The following BABAM2 variants were observed in gnomAD, a reference collection of about 807,000 sequenced individuals.
BABAM2 encodes the protein BRISC and BRCA1-A complex member 2.
BABAM2 carries 31 observed loss-of-function variants against 54.7 expected under a neutral mutation model. The ratio of observed to expected loss-of-function variants is 0.57; its 90% CI spans 0.43 to 0.77. The LOEUF is 0.77. Ranked by LOEUF, BABAM2 falls within the 30% of genes least tolerant of loss-of-function variation. The pLI is 0.00. For missense variants in BABAM2, 364 were observed against 455.8 expected (o/e 0.80, Z 1.83); for synonymous variants, 167 against 162.9 (o/e 1.03, Z -0.19).
chr2:28,301,007 A>G (rs575569790), intron 11 of BABAM2, among the ~76,000 whole-genome samples: 22 of 152,348 alleles, frequency 1.4e-4, no homozygotes, highest in African/African-American at 5.1e-4. Flanking sequence ...ACACCGTGAA[A>G]GAACTGTCCT....
intron 10 of BABAM2, among the ~76,000 whole-genome samples, chr2:28,285,884 T>A (rs529105819): frequency 6.6e-6 from 1 of 152,094 alleles, no homozygotes; most frequent in African/African-American, 2.4e-5. Context: ...TCTTAAGAGA[T>A]GTTTTGTAGA....
At chr2:28,300,231 G>A (rs756445558) in intron 11 of BABAM2, among the ~76,000 whole-genome samples, 3 of 152,140 alleles carry the variant, frequency 2.0e-5, no homozygotes, top group Admixed American at 6.5e-5. Context: ...GAGCCACTGC[G>A]CCCAGCCTGA....
intron 2 of BABAM2, among the ~76,000 whole-genome samples, chr2:27,928,965 A>G (rs1667907495): frequency 6.7e-6 from 1 of 150,052 alleles, no homozygotes; most frequent in Non-Finnish European, 1.5e-5. Flanking sequence ...TGTGATCCTG[A>G]CACTTTGGGA....
intron 3 of BABAM2, among the ~76,000 whole-genome samples, chr2:27,931,664 AC>A (rs1558596942): frequency 6.6e-6 from 1 of 151,950 alleles, no homozygotes; most frequent in Non-Finnish European, 1.5e-5. Flanking sequence ...TTAATGAATA[AC>A]CCCTAAGAAT....
At chr2:27,890,205 C>G, upstream of BABAM2, 1 of 1,558,970 alleles carries the variant, frequency 6.4e-7, no homozygotes, top group South Asian at 1.1e-5. The surrounding 1 kb of genome is among the most constrained non-coding windows in gnomAD (Gnocchi z 4.8). Flanking sequence ...GCATAGCGCA[C>G]GGCACGCCTC....
At chr2:27,974,197 G>A (rs753005076) in intron 3 of BABAM2, among the ~76,000 whole-genome samples, 4 of 152,078 alleles carry the variant, frequency 2.6e-5, no homozygotes. Flanking sequence ...TACTTTATGA[G>A]GCTGACATTT....
intron 6 of BABAM2, among the ~76,000 whole-genome samples, chr2:28,069,158 G>A (rs576523857): frequency 2.0e-5 from 3 of 152,116 alleles, no homozygotes; most frequent in African/African-American, 4.8e-5. Context: ...TTCTCCAGGC[G>A]TTTTTCTTAC....
At chr2:28,138,846 G>C (rs1194106024) in intron 7 of BABAM2, among the ~76,000 whole-genome samples, 1 of 152,030 alleles carries the variant, frequency 6.6e-6, no homozygotes, top group Non-Finnish European at 1.5e-5. Context: ...CCTTGCCCCA[G>C]CCTGTTTCAA....
At chr2:28,138,246 T>C (rs1049698579) in intron 7 of BABAM2, among the ~76,000 whole-genome samples, 1 of 152,100 alleles carries the variant, frequency 6.6e-6, no homozygotes, top group Non-Finnish European at 1.5e-5. Flanking sequence ...ATGGAAGATA[T>C]CAACCCTCAG....
intron 7 of BABAM2, among the ~76,000 whole-genome samples, chr2:28,148,398 A>T (rs1671705683): frequency 6.6e-6 from 1 of 152,170 alleles, no homozygotes; most frequent in Admixed American, 6.5e-5. Flanking sequence ...TAGGTTGGTT[A>T]TTTGGACTCT....
At chr2:28,219,129 G>T (rs1198641063) in intron 7 of BABAM2, among the ~76,000 whole-genome samples, 1 of 152,214 alleles carries the variant, frequency 6.6e-6, no homozygotes, top group Non-Finnish European at 1.5e-5. Flanking sequence ...CAGTCAAGGT[G>T]CCAGTGGGCC....
At chr2:28,028,039 T>C (rs1434952287) in intron 5 of BABAM2, among the ~76,000 whole-genome samples, 1 of 152,220 alleles carries the variant, frequency 6.6e-6, no homozygotes, top group East Asian at 1.9e-4. Flanking sequence ...TCAGGGTCTC[T>C]CACAGGCTGT....
chr2:27,958,321 T>A (rs1002929087), intron 3 of BABAM2, among the ~76,000 whole-genome samples: 1 of 151,822 alleles, frequency 6.6e-6, no homozygotes, highest in Non-Finnish European at 1.5e-5. Context: ...ATATAGAGGT[T>A]AAGTCTCCAG....
intron 3 of BABAM2, among the ~76,000 whole-genome samples, chr2:27,958,773 T>A (rs544397223): frequency 4.4e-4 from 67 of 152,174 alleles, no homozygotes; most frequent in Non-Finnish European, 7.9e-4. Context: ...ATTTTGTCAT[T>A]AAGTGTGAGT....
At chr2:28,008,283 C>T (rs1393847026) in intron 4 of BABAM2, among the ~76,000 whole-genome samples, 1 of 152,072 alleles carries the variant, frequency 6.6e-6, no homozygotes, top group Non-Finnish European at 1.5e-5. Context: ...CAATAAACAC[C>T]TGATGCATCT....
intron 3 of BABAM2, among the ~76,000 whole-genome samples, chr2:27,935,944 G>C (rs1436862320): frequency 6.6e-6 from 1 of 151,900 alleles, no homozygotes; most frequent in Admixed American, 6.6e-5. Flanking sequence ...TTTGAGACAG[G>C]GTCTTGCTCT....
At chr2:28,069,475 C>T (rs1362295410) in intron 6 of BABAM2, among the ~76,000 whole-genome samples, 1 of 152,182 alleles carries the variant, frequency 6.6e-6, no homozygotes, top group East Asian at 1.9e-4. Context: ...AAGCCTACTT[C>T]TAACACTTCC....
At chr2:28,023,679 T>A (rs965705828) in intron 4 of BABAM2, among the ~76,000 whole-genome samples, 4 of 152,208 alleles carry the variant, frequency 2.6e-5, no homozygotes, top group African/African-American at 9.6e-5. Flanking sequence ...TTCCTATAAA[T>A]GAAAGAACAC....
chr2:27,977,846 A>T (rs1403664576), intron 3 of BABAM2, among the ~76,000 whole-genome samples: 1 of 152,144 alleles, frequency 6.6e-6, no homozygotes, highest in Non-Finnish European at 1.5e-5. Flanking sequence ...GTGGGGTTGA[A>T]AGATAGGTCA....
Sources: allele counts gnomAD v4.1 joint callset (sites outside exome capture counted in the v4.1 genomes callset), GRCh38; gene constraint gnomAD v4.1.1; non-coding constraint Gnocchi (gnomAD v3.1); transcripts MANE v1.5; gene names NCBI Gene and HGNC (gene_info 2026-07-23, HGNC 2026-07-21).